The following CYP7B1 variants were observed in gnomAD, a reference collection of about 807,000 sequenced individuals.
CYP7B1 encodes the protein cytochrome P450 7B1.
CYP7B1 carries 29 observed loss-of-function variants against 42.7 expected under a neutral mutation model. The observed-to-expected ratio is 0.68, with a 90% CI of 0.51 to 0.93. The LOEUF (loss-of-function observed/expected upper bound fraction) is 0.93, where lower values mean the gene tolerates loss of function less well. CYP7B1 is among the 40% of genes least tolerant of loss of function. CYP7B1 has a pLI of 0.00. For missense variants in CYP7B1, 655 were observed against 600.5 expected (o/e 1.09, Z -0.95); for synonymous variants, 235 against 218.2 (o/e 1.08, Z -0.68).
intron 1 of CYP7B1, among the ~76,000 whole-genome samples, chr8:64,764,735 C>T (rs908380228): frequency 1.1e-4 from 17 of 152,164 alleles, no homozygotes; most frequent in African/African-American, 4.1e-4. Context: ...GAGGAAAACT[C>T]ATTGTGAGCA....
intron 1 of CYP7B1, among the ~76,000 whole-genome samples, chr8:64,661,635 A>G (rs1356255810): frequency 6.6e-6 from 1 of 152,186 alleles, no homozygotes; most frequent in Non-Finnish European, 1.5e-5. Flanking sequence ...AGGGGGACAG[A>G]TCTGATACAG....
At chr8:64,713,067 G>T (rs1460202601) in intron 1 of CYP7B1, among the ~76,000 whole-genome samples, 2 of 152,064 alleles carry the variant, frequency 1.3e-5, no homozygotes, top group African/African-American at 2.4e-5. Flanking sequence ...AAGAGAAATT[G>T]AATAAAACAT....
chr8:64,601,118 A>G (rs1157414248), intron 5 of CYP7B1, among the ~76,000 whole-genome samples: 1 of 152,226 alleles, frequency 6.6e-6, no homozygotes, highest in African/African-American at 2.4e-5. Flanking sequence ...GGCAATAATC[A>G]AAATAATAAT....
At chr8:64,645,113 G>A (rs1235176821) in intron 1 of CYP7B1, among the ~76,000 whole-genome samples, 3 of 151,060 alleles carry the variant, frequency 2.0e-5, no homozygotes, top group Non-Finnish European at 4.4e-5. Context: ...TGGCAGCATA[G>A]TATTCCATGG....
chr8:64,611,869 T>C (rs1206790217), intron 4 of CYP7B1, among the ~76,000 whole-genome samples: 1 of 152,138 alleles, frequency 6.6e-6, no homozygotes, highest in African/African-American at 2.4e-5. Context: ...ATGATGTTCA[T>C]AAATAATTGC....
rs200984750 is a variant in CYP7B1, at chr8:64,612,287, A to C, written c.1057+2739T>G. Among the ~76,000 whole-genome samples the C allele has an allele frequency of 1.2e-4, 19 of 152,200 alleles. No homozygotes were observed. The East Asian group carries it at 3.7e-3, about 29-fold the overall frequency. ...GCAATTTTTTTCCTATTGAGATTTA[A>C]GCCCCAAGTAACAGTTACTGAAACC... On this transcript the variant is annotated intron_variant, in intron 4 of 5. Transcript: ENST00000310193.
At chr8:64,730,434 C>T (rs1807391694) in intron 1 of CYP7B1, among the ~76,000 whole-genome samples, 1 of 152,034 alleles carries the variant, frequency 6.6e-6, no homozygotes, top group Non-Finnish European at 1.5e-5. Context: ...AGGTTTATCA[C>T]TGAGAGACAA....
At chr8:64,588,444 A>AT (rs991808066), downstream of CYP7B1, among the ~76,000 whole-genome samples, 4 of 152,194 alleles carry the variant, frequency 2.6e-5, no homozygotes, top group African/African-American at 7.2e-5. Flanking sequence ...TAAAGATTTC[A>AT]TTTTTTTATT....
At chr8:64,774,011 A>C (rs1481840813) in intron 1 of CYP7B1, among the ~76,000 whole-genome samples, 2 of 152,194 alleles carry the variant, frequency 1.3e-5, no homozygotes, top group Non-Finnish European at 2.9e-5. Flanking sequence ...TGGGGGATAC[A>C]TTCAAACCAT....
At chr8:64,741,294 A>G (rs1006670260) in intron 1 of CYP7B1, among the ~76,000 whole-genome samples, 1 of 152,144 alleles carries the variant, frequency 6.6e-6, no homozygotes, top group Non-Finnish European at 1.5e-5. Flanking sequence ...GCATAACATG[A>G]TTCTTCTATG....
intron 1 of CYP7B1, among the ~76,000 whole-genome samples, chr8:64,769,157 G>A (rs997316509): frequency 2.0e-5 from 3 of 152,130 alleles, no homozygotes; most frequent in Admixed American, 6.5e-5. Context: ...TACACATTGT[G>A]ATATATTACT....
intron 1 of CYP7B1, among the ~76,000 whole-genome samples, chr8:64,739,811 A>G (rs540181552): frequency 7.2e-5 from 11 of 152,312 alleles, no homozygotes; most frequent in Admixed American, 5.9e-4. Flanking sequence ...GAAAGAAACC[A>G]GAAGAGGATA....
intron 1 of CYP7B1, among the ~76,000 whole-genome samples, chr8:64,635,381 T>C (rs1805755626): frequency 1.3e-5 from 2 of 152,212 alleles, no homozygotes; most frequent in South Asian, 2.1e-4. Context: ...TCACAGCAAA[T>C]AAATGAAAAA....
chr8:64,796,992 C>A (rs549282327), intron 1 of CYP7B1, among the ~76,000 whole-genome samples: 2 of 152,274 alleles, frequency 1.3e-5, no homozygotes, highest in East Asian at 3.9e-4. Flanking sequence ...ATCTTCTATA[C>A]ACTGAAATGC....
At chr8:64,769,614 A>G (rs981404073) in intron 1 of CYP7B1, among the ~76,000 whole-genome samples, 2 of 152,218 alleles carry the variant, frequency 1.3e-5, no homozygotes, top group Non-Finnish European at 2.9e-5. Flanking sequence ...TTAAATATTA[A>G]CGCTTGAATG....
chr8:64,604,744 C>T lies in CYP7B1; in HGVS notation c.1171G>A (p.Asp391Asn), dbSNP rs1458654195. ...ETGDYCVRKG[D>N]LVAIFPPVLH... ...ACTGGAGGAAAGATGGCTACCAAGT[C>T]TCCCTTTCGCACACAGTAGTCCCCG... Residue 391 changes from aspartate to asparagine, a missense_variant, in exon 5 of 6, where the codon GAC (aspartate) becomes AAC (asparagine). Physicochemically the swap from Asp to Asn is conservative, Grantham distance 23. Coordinates refer to ENST00000310193, the MANE Select transcript of CYP7B1 (RefSeq NM_004820.5). 5.6e-6 allele frequency: 9 copies of T among 1,614,058 alleles called. No homozygotes were observed. The highest frequency in any genetic ancestry group is 6.8e-6 in the Non-Finnish European group (8 of 1,180,048).
chr8:64,646,128 CAT>C (rs1805950413), intron 1 of CYP7B1, among the ~76,000 whole-genome samples: 1 of 152,084 alleles, frequency 6.6e-6, no homozygotes, highest in African/African-American at 2.4e-5. Context: ...CCATTCAGGA[CAT>C]AGGCATGGGC....
chr8:64,605,023 A>G (rs1805259180), intron 4 of CYP7B1, among the ~76,000 whole-genome samples, 166 bp from the exon 5 acceptor site: 1 of 152,130 alleles, frequency 6.6e-6, no homozygotes, highest in Non-Finnish European at 1.5e-5. Flanking sequence ...TGTGCACAGG[A>G]TGTGAGCAGG....
At chr8:64,655,970 G>A (rs779448803) in intron 1 of CYP7B1, among the ~76,000 whole-genome samples, 2 of 152,084 alleles carry the variant, frequency 1.3e-5, no homozygotes, top group Non-Finnish European at 2.9e-5. Context: ...GAGACCTCAT[G>A]AACACAAAGA....
Sources: gnomAD v4.1 joint callset for allele counts (sites outside exome capture counted in the v4.1 genomes callset) on GRCh38, gnomAD v4.1.1 for gene constraint, MANE v1.5 for transcripts, NCBI Gene and HGNC (gene_info 2026-07-23, HGNC 2026-07-21) for gene names.